The following CREBZF variants were observed in gnomAD, a reference collection of about 807,000 sequenced individuals.
CREBZF encodes the protein HCF-binding transcription factor Zhangfei.
CREBZF carries 8 observed loss-of-function variants against 21.1 expected under a neutral mutation model. The observed-to-expected ratio is 0.38, with a 90% CI of 0.22 to 0.68. CREBZF has a LOEUF of 0.68. Ranked by LOEUF, CREBZF falls within the 30% of genes least tolerant of loss-of-function variation. The probability of loss-of-function intolerance (pLI) is 0.51; values close to 1 mark genes in which losing one functional copy is unlikely to be tolerated. For missense variants in CREBZF, 518 were observed against 484.3 expected, an observed-to-expected ratio of 1.07 and a Z score of -0.65; for synonymous variants, 270 against 223.3, an observed-to-expected ratio of 1.21 and a Z score of -1.86.
chr11:85,674,346 A>G (rs2082929986), intron 1 of CREBZF, among the ~76,000 whole-genome samples: 1 of 152,242 alleles, frequency 6.6e-6, no homozygotes, highest in African/African-American at 2.4e-5. Context: ...TGCATTGTCA[A>G]TGAGCAGTAA....
chr11:85,680,323 C>G (rs1325619211), intron 1 of CREBZF, among the ~76,000 whole-genome samples: 1 of 152,200 alleles, frequency 6.6e-6, no homozygotes, highest in African/African-American at 2.4e-5. Context: ...GGTATATAAC[C>G]TGTTCCCTAT....
chr11:85,678,395 G>A (rs139015414), intron 1 of CREBZF, among the ~76,000 whole-genome samples: 220 of 151,884 alleles, frequency 1.4e-3, no homozygotes, highest in African/African-American at 5.0e-3. Flanking sequence ...AACTGTCAGG[G>A]GTTTAGACTG....
chr11:85,673,474 G>A (rs1345228378), intron 1 of CREBZF, among the ~76,000 whole-genome samples: 2 of 152,182 alleles, frequency 1.3e-5, no homozygotes, highest in Admixed American at 1.3e-4. Context: ...TTTGAAATGT[G>A]CGTAACTTAA....
chr11:85,667,840 C>T (rs538146622), upstream of CREBZF, among the ~76,000 whole-genome samples: 4 of 152,234 alleles, frequency 2.6e-5, no homozygotes, highest in East Asian at 7.7e-4. Flanking sequence ...TATGGTGGCA[C>T]ATGCCTGTAA....
rs947504802 is a variant in CREBZF, at chr11:85,663,691, A to G, written c.*120T>C. The G allele has an allele frequency of 6.8e-6, 11 of 1,609,326 alleles. No individual in the cohort carries two copies. The highest frequency in any genetic ancestry group is 9.3e-6 in the Non-Finnish European group (11 of 1,177,946). ...TTTTAGCTAAACACTTTAAGATTCA[A>G]TATTACTTTTTTTCTCTCCTCTGAA... On this transcript the variant is annotated 3_prime_UTR_variant, in exon 1 of 1. Transcript: ENST00000527447.
Position 85,664,736 on chromosome 11 carries a change from G to C in CREBZF, c.140C>G (p.Ala47Gly), listed in dbSNP as rs778470674. Residue 47 changes from alanine to glycine, a missense_variant, in exon 1 of 1, where the codon GCG becomes GGG. Around this residue, in one of 3 missense-constraint regions of CREBZF, gnomAD observed 396 missense variants for 324.4 expected, o/e 1.22. Coordinates refer to ENST00000527447, the MANE Select transcript of CREBZF (RefSeq NM_001039618.4). The surrounding 1 kb of genome is among the most constrained non-coding windows in gnomAD (Gnocchi z 5.5). ...RAAAGEEETAAAGSPGRKQQF... is the reference protein window; with the variant it reads ...RAAAGEEETAGAGSPGRKQQF... ...CTGCTTGCGGCCGGGAGATCCGGCC[G>C]CCGCCGTCTCCTCCTCCCCCGCTGC... is the stretch of plus-strand genomic sequence containing the variant. 6.2e-7 allele frequency: 1 copy of C among 1,605,446 alleles called. No homozygotes were observed.
intron 1 of CREBZF, among the ~76,000 whole-genome samples, chr11:85,673,128 T>C (rs1025125696): frequency 1.3e-5 from 2 of 152,144 alleles, no homozygotes; most frequent in African/African-American, 4.8e-5. Flanking sequence ...GAAAAGCACA[T>C]TGAAAGGGGG....
Position 85,663,743 on chromosome 11 carries a change from A to T in CREBZF, c.*68T>A. 6.3e-7 allele frequency: 1 copy of T among 1,588,568 alleles called. No individual in the cohort carries two copies. The highest frequency in any genetic ancestry group is 8.6e-7 in the Non-Finnish European group (1 of 1,168,122). Reference sequence around the variant, plus strand: ...TGTGTCCGGTGAAGATGTCCCACTAAGGTAAGTTTGACATGGTGTAAGGGA... The same window carrying T: ...TGTGTCCGGTGAAGATGTCCCACTATGGTAAGTTTGACATGGTGTAAGGGA... On this transcript the variant is annotated 3_prime_UTR_variant, in exon 1 of 1. Transcript: ENST00000527447.
Position 85,660,561 on chromosome 11 carries a change from T to A in CREBZF, c.*3250A>T, listed in dbSNP as rs554534591. 2.2e-6 allele frequency: 1 copy of A among 454,938 alleles called. No individual in the cohort carries two copies. Among genetic ancestry groups the A allele is most frequent in the Non-Finnish European group, 4.4e-6 (1 of 226,238 alleles). 28.2% of individuals were successfully genotyped at this position (454,938 alleles called of 1,614,324 possible). A position where few individuals can be genotyped will look rare whatever the true frequency, so the allele number is the denominator to read the frequency against. ...ACCAACAGTCCAGTCAGTTAACAGG[T>A]TGTAGGAAAAGATTCGTTTTTGCAG... On this transcript the variant is annotated 3_prime_UTR_variant, in exon 1 of 1. Transcript: ENST00000527447.
chr11:85,665,814 CAA>C (rs1349851897), upstream of CREBZF, among the ~76,000 whole-genome samples: 1 of 152,048 alleles, frequency 6.6e-6, no homozygotes, highest in Non-Finnish European at 1.5e-5. Context: ...AACAAACAAA[CAA>C]AAACTCTGAC....
At chr11:85,677,674 G>A (rs946151576) in intron 1 of CREBZF, among the ~76,000 whole-genome samples, 3 of 152,122 alleles carry the variant, frequency 2.0e-5, no homozygotes, top group African/African-American at 7.2e-5. Flanking sequence ...CTTCCTAGGA[G>A]GTGCTGCTCT....
At position 85,664,483 on chromosome 11, in the gene CREBZF, GGA is replaced by G; in HGVS notation, c.391_392del (p.Ser131LeufsTer8). On this transcript the variant is annotated frameshift_variant, in exon 1 of 1. Transcript: ENST00000527447. LOFTEE classifies it high-confidence loss of function. The surrounding 1 kb of genome is among the most constrained non-coding windows in gnomAD (Gnocchi z 5.5). ...CGCTATCCGAGCCTCCGCCAGACGA[GGA>G]GAGAGGCCCCGGCGAGCTAAGCCCG... ...DPGLSSPGPL[S>X]SSGGGSDSGG... 6.2e-7 allele frequency: 1 copy of G among 1,613,760 alleles called. No homozygotes were observed. The highest frequency in any genetic ancestry group is 8.5e-7 in the Non-Finnish European group (1 of 1,179,950).
chr11:85,669,733 AAGAAG>A (rs761187971), upstream of CREBZF, among the ~76,000 whole-genome samples: 13 of 152,240 alleles, frequency 8.5e-5, no homozygotes, highest in Non-Finnish European at 1.5e-4. Context: ...CAGAGTGGGT[AAGAAG>A]AGAAATCATA....
chr11:85,663,895 G>A lies in CREBZF; in HGVS notation c.981C>T (p.Val327=), dbSNP rs370630820. The A allele has an allele frequency of 4.0e-5, 65 of 1,612,730 alleles. No homozygotes were observed. Among genetic ancestry groups the A allele is most frequent in the Non-Finnish European group, 5.4e-5 (64 of 1,179,996 alleles). Reference sequence around the variant, plus strand: ...CCTTATCCTTGTCCACATGGAGACAGACTCCTCCCGCCGAGTCGTCCTCTT... The same window carrying A: ...CCTTATCCTTGTCCACATGGAGACAAACTCCTCCCGCCGAGTCGTCCTCTT... The part of the protein sequence containing the change: ...LLEEDDSAGG[V]CLHVDKDKVS... The change falls in exon 1 of 1, where the codon GTC becomes GTT. Residue 327 remains valine, a synonymous_variant. Transcript: ENST00000527447.
rs761642036 is a variant in CREBZF, at chr11:85,664,616, GCCTCCTCCT to G, written c.251_259del (p.Glu84_Glu86del). 1.1e-5 allele frequency: 18 copies of G among 1,613,276 alleles called. No homozygotes were observed. The highest frequency in any genetic ancestry group is 1.4e-5 in the Non-Finnish European group (17 of 1,179,740). On this transcript the variant is annotated inframe_deletion, in exon 1 of 1. Coordinates refer to ENST00000527447, the MANE Select transcript of CREBZF (RefSeq NM_001039618.4). The surrounding 1 kb of genome is among the most constrained non-coding windows in gnomAD (Gnocchi z 5.5). ...CTCTTCCCCCGGGAGGCTGGCGATCGCCTCCTCCTCCATCTCCTCGGGGGAGGGCGCGCG... is the reference window on the plus strand; with the variant it reads ...CTCTTCCCCCGGGAGGCTGGCGATCGCCATCTCCTCGGGGGAGGGCGCGCG...
rs1263418238 is a variant in CREBZF, at chr11:85,662,887, G to C, written c.*924C>G. On this transcript the variant is annotated 3_prime_UTR_variant, in exon 1 of 1. Coordinates refer to ENST00000527447, the MANE Select transcript of CREBZF (RefSeq NM_001039618.4). ...ACTGCTGGTCCTCAAAGAAACATTA[G>C]CCATTCTTATTCTCCAATTAACTAA... is the stretch of plus-strand genomic sequence containing the variant. 6.3e-6 allele frequency: 1 copy of C among 157,726 alleles called. No individual in the cohort carries two copies. The highest frequency in any genetic ancestry group is 1.4e-5 in the Non-Finnish European group (1 of 71,428). 9.8% of individuals were successfully genotyped at this position (157,726 alleles called of 1,614,324 possible). A position where few individuals can be genotyped will look rare whatever the true frequency, so the allele number is the denominator to read the frequency against.
chr11:85,675,506 G>A (rs1273638884), intron 1 of CREBZF, among the ~76,000 whole-genome samples: 1 of 152,058 alleles, frequency 6.6e-6, no homozygotes, highest in African/African-American at 2.4e-5. Context: ...GCTGTTCATA[G>A]CACCCCCAAA....
rs933546988 is a variant in CREBZF, at chr11:85,663,751, T to A, written c.*60A>T. 9 of 1,586,848 alleles carry A rather than the reference T, an allele frequency of 5.7e-6. No individual in the cohort carries two copies. The highest frequency in any genetic ancestry group is 1.7e-5 in the Admixed American group (1 of 58,114). On this transcript the variant is annotated 3_prime_UTR_variant, in exon 1 of 1. Transcript: ENST00000527447. ...GTGAAGATGTCCCACTAAGGTAAGT[T>A]TGACATGGTGTAAGGGAGTTGAAAG...
chr11:85,661,957 G>GGTTTATATATATATATATATATGT lies in CREBZF; in HGVS notation c.*1830_*1853dup, dbSNP rs1363411607. On this transcript the variant is annotated 3_prime_UTR_variant, in exon 1 of 1. Coordinates refer to ENST00000527447, the MANE Select transcript of CREBZF (RefSeq NM_001039618.4). ...TCAAATAATCTTTCCAACTACTTTT[G>GGTTTATATATATATATATATATGT]GTTTATATATATATATATATATGTA... The GGTTTATATATATATATATATATGT allele has an allele frequency of 2.0e-5, 3 of 146,790 alleles. No individual in the cohort carries two copies. The highest frequency in any genetic ancestry group is 4.5e-5 in the Non-Finnish European group (3 of 66,914). The allele number at this position is 146,790 out of a possible 1,614,324, so 9.1% of individuals were successfully genotyped here.
Sources: gnomAD v4.1 joint callset for allele counts (sites outside exome capture counted in the v4.1 genomes callset) on GRCh38, gnomAD v4.1.1 for gene constraint, gnomAD v4.1.1 regional missense constraint, Gnocchi (gnomAD v3.1) non-coding constraint, MANE v1.5 for transcripts, NCBI Gene and HGNC (gene_info 2026-07-23, HGNC 2026-07-21) for gene names.